The following RCC1L variants were observed in gnomAD, a reference collection of about 807,000 sequenced individuals.
The protein encoded by RCC1L is RCC1-like G exchanging factor-like protein.
Under a neutral mutation model 58.6 loss-of-function variants are expected in RCC1L, and 46 were observed. The ratio of observed to expected loss-of-function variants is 0.79; its 90% confidence interval spans 0.62 to 1.00. The LOEUF is 1.00. RCC1L is among the 50% of genes least tolerant of loss of function. The pLI, the probability that RCC1L is intolerant of heterozygous loss-of-function variation, is 0.00. For synonymous variants in RCC1L, 281 were observed against 262.9 expected (o/e 1.07, Z -0.67); for missense variants, 636 against 623.6 (o/e 1.02, Z -0.21).
intron 10 of RCC1L, among the ~76,000 whole-genome samples, chr7:75,030,430 G>A (rs1805269860): frequency 1.3e-5 from 2 of 152,150 alleles, no homozygotes; most frequent in East Asian, 1.9e-4. Flanking sequence ...AGGGTGGGGC[G>A]TCTCTGGTAG....
In RCC1L at chr7:75,059,910, G is replaced by A. The variant is rs982732886; in HGVS notation, c.788-1141C>T. On this transcript the variant is annotated intron_variant, in intron 6 of 10. Transcript: ENST00000610322. The stretch of plus-strand genomic sequence containing the variant: ...TGAGTAGCTGGGACTACAGGCGCCC[G>A]CCACCATGCCCAGCCAATTTTTTTT... Among the ~76,000 whole-genome samples the A allele has an allele frequency of 2.0e-3, 297 of 152,156 alleles. 1 individual carries two copies. The highest frequency in any genetic ancestry group is 1.8e-3 in the Non-Finnish European group (119 of 67,988).
At chr7:75,035,928 T>C (rs1805422599) in intron 10 of RCC1L, among the ~76,000 whole-genome samples, 1 of 151,830 alleles carries the variant, frequency 6.6e-6, no homozygotes, top group South Asian at 2.1e-4. Flanking sequence ...TTGCTTGAGC[T>C]CAGGAGTTCA....
At chr7:75,072,165 T>TATATATATATATATAC (rs1806774570) in intron 1 of RCC1L, among the ~76,000 whole-genome samples, 1 of 60,220 alleles carries the variant, frequency 1.7e-5, no homozygotes, top group Non-Finnish European at 3.5e-5. Context: ...CATATACATA[T>TATATATATATATATAC]ATATATATAT....
intron 1 of RCC1L, among the ~76,000 whole-genome samples, chr7:75,072,161 C>CATATATATATATATATATATAT (rs1165938365): frequency 1.1e-3 from 50 of 46,328 alleles, no homozygotes; most frequent in South Asian, 3.6e-3. Context: ...TATACATATA[C>CATATATATATATATATATATAT]ATATATATAT....
At chr7:75,055,733 A>C in intron 9 of RCC1L, 168 bp downstream of exon 9, 1 of 764,158 alleles carries the variant, frequency 1.3e-6, no homozygotes, top group Admixed American at 2.5e-5. Context: ...GACATTATAC[A>C]ACCTCGAGGC....
At chr7:75,064,671 A>G (rs1806399622) in intron 3 of RCC1L, 23 bp from the exon 4 acceptor site, 1 of 1,612,206 alleles carries the variant, frequency 6.2e-7, no homozygotes, top group Non-Finnish European at 8.5e-7. Flanking sequence ...CCACCAATCA[A>G]ATCAGTTCTG....
chr7:75,053,241 GT>G (rs1805974177), intron 9 of RCC1L, among the ~76,000 whole-genome samples: 1 of 110,414 alleles, frequency 9.1e-6, no homozygotes, highest in Non-Finnish European at 2.1e-5. Flanking sequence ...GGGTCTGGGG[GT>G]GGTGGACAGG....
chr7:75,063,386 A>T, intron 4 of RCC1L, 43 bp from the exon 5 acceptor site: 1 of 1,605,882 alleles, frequency 6.2e-7, no homozygotes, highest in Non-Finnish European at 8.5e-7. Context: ...GGATGCGGTC[A>T]TGACAAGCAC....
rs965952250 is a variant in RCC1L at position 75,042,932 on chromosome 7, A to G, written c.*100T>C. 6 of 1,592,812 alleles carry G rather than the reference A, an allele frequency of 3.8e-6. No homozygotes were observed. In the African/African-American group the frequency reaches 8.0e-5, roughly 21 times the overall value. ...CACACTGCACGCAGGGTCCTCCGCC[A>G]CCACCATCCAAGAACCCCGGGGGGC... On this transcript the variant is annotated 3_prime_UTR_variant, in exon 11 of 11. Coordinates refer to ENST00000610322, the MANE Select transcript of RCC1L (RefSeq NM_030798.5).
intron 10 of RCC1L, among the ~76,000 whole-genome samples, chr7:75,049,296 G>T (rs188585988): frequency 5.4e-5 from 8 of 147,286 alleles, no homozygotes; most frequent in Non-Finnish European, 1.0e-4. Flanking sequence ...TGAGGCAGAA[G>T]TTTGAGACCA....
downstream of RCC1L, among the ~76,000 whole-genome samples, chr7:75,038,990 G>A (rs974358768): frequency 3.9e-5 from 6 of 152,318 alleles, no homozygotes; most frequent in South Asian, 2.1e-4. Flanking sequence ...ACAGGCGCGC[G>A]TCACCACGTC....
chr7:75,038,216 C>G (rs1463435730), downstream of RCC1L, among the ~76,000 whole-genome samples: 1 of 152,164 alleles, frequency 6.6e-6, no homozygotes, highest in Non-Finnish European at 1.5e-5. Context: ...TAGGTCAGTC[C>G]TGGTGCCATG....
At chr7:75,069,473 C>T (rs755297149) in intron 2 of RCC1L, among the ~76,000 whole-genome samples, 2 of 152,140 alleles carry the variant, frequency 1.3e-5, no homozygotes, top group Non-Finnish European at 2.9e-5. Flanking sequence ...TCCCAAAGTG[C>T]TGGGATTACA....
In RCC1L at chr7:75,063,656, C is replaced by T. The variant is rs950026512; in HGVS notation, c.651-313G>A. ...AGAACTCACCGGGCGCGGTGGGTCA[C>T]GCCTGTAATTCCAGCACTTTTAGAG... On this transcript the variant is annotated intron_variant, in intron 4 of 10. Coordinates refer to ENST00000610322, the MANE Select transcript of RCC1L (RefSeq NM_030798.5). Among the ~76,000 whole-genome samples the T allele has an allele frequency of 4.9e-4, 74 of 152,224 alleles. 1 individual carries two copies. The South Asian group carries it at 9.6e-3, about 20-fold the overall frequency.
chr7:75,070,489 T>C, intron 2 of RCC1L, 151 bp downstream of exon 2: 1 of 1,028,942 alleles, frequency 9.7e-7, no homozygotes, highest in Non-Finnish European at 1.3e-6. Context: ...GAGAATCACT[T>C]GAACCCGGGA....
At chr7:75,041,016 G>A (rs992230894), downstream of RCC1L, among the ~76,000 whole-genome samples, 13 of 151,982 alleles carry the variant, frequency 8.6e-5, no homozygotes, top group South Asian at 2.1e-4. Flanking sequence ...TCAGGAGTTC[G>A]AGAACAGCCT....
chr7:75,037,925 C>T (rs1247154145), downstream of RCC1L, among the ~76,000 whole-genome samples: 1 of 152,212 alleles, frequency 6.6e-6, no homozygotes, highest in Non-Finnish European at 1.5e-5. Context: ...TTAACCCAGG[C>T]TGCTGCTGTC....
At chr7:75,034,623 G>A (rs1184867974) in intron 10 of RCC1L, among the ~76,000 whole-genome samples, 1 of 152,190 alleles carries the variant, frequency 6.6e-6, no homozygotes, top group Non-Finnish European at 1.5e-5. Flanking sequence ...CATTTGGGAT[G>A]TTTTTCCAAC....
At chr7:75,055,190 A>G (rs901820013) in intron 9 of RCC1L, among the ~76,000 whole-genome samples, 1 of 152,256 alleles carries the variant, frequency 6.6e-6, no homozygotes, top group Non-Finnish European at 1.5e-5. Context: ...AGAATCACAG[A>G]ATGAAATTAA....
Sources: allele counts gnomAD v4.1 joint callset (sites outside exome capture counted in the v4.1 genomes callset), GRCh38; gene constraint gnomAD v4.1.1; transcripts MANE v1.5; gene names NCBI Gene and HGNC (gene_info 2026-07-23, HGNC 2026-07-21).